The following PRMT7 variants were observed in gnomAD, a reference collection of about 807,000 sequenced individuals.
PRMT7 encodes the protein protein arginine N-methyltransferase 7.
A neutral mutation model predicts 85.4 loss-of-function variants in PRMT7; 75 were observed. That is an observed-to-expected ratio of 0.88 (90% CI 0.73 to 1.06). The LOEUF (loss-of-function observed/expected upper bound fraction) is 1.06, where lower values mean the gene tolerates loss of function less well. PRMT7 is among the 50% of genes least tolerant of loss of function. The probability of loss-of-function intolerance (pLI) is 0.00; values close to 1 mark genes in which losing one functional copy is unlikely to be tolerated. For missense variants in PRMT7, 868 were observed against 915.2 expected (o/e 0.95, Z 0.67); for synonymous variants, 397 against 359.5 (o/e 1.10, Z -1.18).
intron 5 of PRMT7, 113 bp from the exon 6 acceptor site, chr16:68,328,953 T>G: frequency 4.4e-6 from 3 of 682,814 alleles, no homozygotes; most frequent in Non-Finnish European, 5.0e-6. Context: ...GAATAAAGTA[T>G]TTAAGTTACA....
Position 68,356,781 on chromosome 16 carries a change from A to T in PRMT7, c.1892A>T (p.Glu631Val). The T allele has an allele frequency of 6.2e-7, 1 of 1,609,530 alleles. No homozygotes were observed. Among genetic ancestry groups the T allele is most frequent in the Non-Finnish European group, 8.5e-7 (1 of 1,179,260 alleles). ...TGCACGCTCAGCACTGGCCTCCTGG[A>T]GCCTGCAGACCCCGAGGTAGTGCCT... Reference protein sequence around the residue: ...PECTLSTGLLEPADPEGGCCW... With the variant: ...PECTLSTGLLVPADPEGGCCW... The change falls in exon 18 of 19, where the codon GAG (glutamate) becomes GTG (valine). Residue 631 changes from glutamate to valine, a missense_variant. By Grantham distance (121) the Glu-to-Val change is moderately radical. Transcript: ENST00000441236.
At chr16:68,329,003 A>G (rs558648111) in intron 5 of PRMT7, 63 bp from the exon 6 acceptor site, 6 of 1,161,376 alleles carry the variant, frequency 5.2e-6, no homozygotes, top group African/African-American at 4.6e-5. Context: ...TGCTCACCTT[A>G]AAGGTCAGAC....
intron 3 of PRMT7, among the ~76,000 whole-genome samples, chr16:68,317,956 C>T (rs7199750): frequency 6.6e-6 from 1 of 151,964 alleles, no homozygotes. Context: ...CGAAAGCATA[C>T]GCGGGGTCAT....
At chr16:68,339,222 C>T in intron 7 of PRMT7, 100 bp from the exon 8 acceptor site, 2 of 1,508,768 alleles carry the variant, frequency 1.3e-6, no homozygotes, top group South Asian at 2.5e-5. Context: ...CATTACTGAA[C>T]CAACCTAATG....
chr16:68,340,270 G>A (rs1597364224), intron 9 of PRMT7, among the ~76,000 whole-genome samples: 1 of 152,054 alleles, frequency 6.6e-6, no homozygotes, highest in East Asian at 1.9e-4. Flanking sequence ...GTAATCCCAG[G>A]GGGCTCCCAT....
intron 4 of PRMT7, chr16:68,321,665 C>A (rs1019940669): frequency 2.0e-6 from 1 of 497,580 alleles, no homozygotes; most frequent in Admixed American, 3.8e-5. Context: ...CAAGATAGAA[C>A]TGACAAATAA....
intron 9 of PRMT7, among the ~76,000 whole-genome samples, chr16:68,341,254 C>G (rs1392193655): frequency 6.6e-6 from 1 of 152,214 alleles, no homozygotes; most frequent in Non-Finnish European, 1.5e-5. Flanking sequence ...TCGGAATTGC[C>G]TGATGGGTTC....
chr16:68,322,238 C>T, intron 4 of PRMT7: 1 of 199,840 alleles, frequency 5.0e-6, no homozygotes, highest in Non-Finnish European at 1.1e-5. Context: ...GAGACTGGGT[C>T]TCTGTTGCCC....
At chr16:68,359,583 C>T (rs1204537090), downstream of PRMT7, 1 of 152,784 alleles carries the variant, frequency 6.5e-6, no homozygotes, top group Non-Finnish European at 1.5e-5. Flanking sequence ...CAATGGGTGA[C>T]AAGGCACAGC....
rs1360658139 is a variant in PRMT7, at chr16:68,353,480, C to T, written c.1576-12C>T. 7 of 1,610,172 alleles carry T rather than the reference C, an allele frequency of 4.3e-6. No homozygotes were observed. In the African/African-American group the frequency reaches 8.0e-5, roughly 18 times the overall value. ...GCGGGCGGGTGTGGACGGGGCTGCT[C>T]CTTCCTCACAGGACCTGTGGCGGAT... is the stretch of plus-strand genomic sequence containing the variant. On this transcript the variant is annotated splice_polypyrimidine_tract_variant and intron_variant, in intron 15 of 18. Transcript: ENST00000441236.
chr16:68,318,005 T>A (rs2082073979), intron 3 of PRMT7, among the ~76,000 whole-genome samples: 1 of 152,042 alleles, frequency 6.6e-6, no homozygotes, highest in Non-Finnish European at 1.5e-5. Flanking sequence ...AAGAGGAACA[T>A]GAGTTTAAGT....
intron 4 of PRMT7, 199 bp from the exon 5 acceptor site, chr16:68,324,484 G>A (rs1050155397): frequency 1.6e-6 from 1 of 606,282 alleles, no homozygotes; most frequent in Non-Finnish European, 2.9e-6. Context: ...GTGTGGAGCA[G>A]GGACAGTCGC....
At position 68,337,490 on chromosome 16, in the gene PRMT7, G is replaced by C. The variant is rs138764613; in HGVS notation, c.423G>C (p.Leu141=). 7.6e-5 allele frequency: 123 copies of C among 1,611,086 alleles called. No individual in the cohort carries two copies. The highest frequency in any genetic ancestry group is 6.3e-5 in the Non-Finnish European group (74 of 1,178,676). ...EGDMPCRANI[L]VTELFDTELI... is the part of the protein sequence containing the mutation. ...ACATGCCATGCCGTGCCAACATCCT[G>C]GTCACAGAGTTGTTTGACACAGAGC... The change falls in exon 7 of 19, where the codon CTG becomes CTC. Residue 141 remains leucine (L), a synonymous_variant. Transcript: ENST00000441236.
chr16:68,344,933 T>TACAC (rs368385265), intron 9 of PRMT7, among the ~76,000 whole-genome samples: 148 of 131,164 alleles, frequency 1.1e-3, no homozygotes, highest in Middle Eastern at 3.7e-3. Context: ...CCTGCATCTC[T>TACAC]ACACACACAC....
At position 68,357,683 on chromosome 16, in the gene PRMT7, TGCTGAG is replaced by T; in HGVS notation, c.*460_*465del. The T allele has an allele frequency of 6.2e-6, 1 of 160,568 alleles. No homozygotes were observed. The highest frequency in any genetic ancestry group is 1.4e-5 in the Non-Finnish European group (1 of 73,356). The allele number at this position is 160,568 out of a possible 1,614,324, so 9.9% of individuals were successfully genotyped here. A position where few individuals can be genotyped will look rare whatever the true frequency, so the allele number is the denominator to read the frequency against. ...CTGGCTTCTGCTAGGAGGGTGGAGATGCTGAGTTGTGGCTGGGTCTCTGGGGCTTGA... is the reference window on the plus strand; with the variant it reads ...CTGGCTTCTGCTAGGAGGGTGGAGATTTGTGGCTGGGTCTCTGGGGCTTGA... On this transcript the variant is annotated 3_prime_UTR_variant, in exon 19 of 19. Transcript: ENST00000441236.
chr16:68,327,627 G>A (rs1010693912), intron 5 of PRMT7, among the ~76,000 whole-genome samples: 10 of 152,156 alleles, frequency 6.6e-5, no homozygotes, highest in Non-Finnish European at 1.5e-4. Flanking sequence ...CGTGATTTCA[G>A]TTACCTGTGG....
intron 2 of PRMT7, among the ~76,000 whole-genome samples, chr16:68,312,727 A>G (rs2044082291): frequency 6.6e-6 from 1 of 152,204 alleles, no homozygotes; most frequent in African/African-American, 2.4e-5. Context: ...GGAGAGAACA[A>G]ATAATAATGG....
intron 1 of PRMT7, chr16:68,311,693 G>T (rs578209634): frequency 6.6e-6 from 1 of 152,308 alleles, no homozygotes; most frequent in Admixed American, 6.5e-5. Context: ...GGCACATTTT[G>T]CTTATGCAAC....
intron 6 of PRMT7, among the ~76,000 whole-genome samples, chr16:68,333,933 G>C (rs979387151): frequency 2.6e-5 from 4 of 152,008 alleles, no homozygotes; most frequent in African/African-American, 9.7e-5. Flanking sequence ...CCACCACCTG[G>C]CTAATTTTTG....
Sources: gnomAD v4.1 joint callset for allele counts (sites outside exome capture counted in the v4.1 genomes callset) on GRCh38, gnomAD v4.1.1 for gene constraint, MANE v1.5 for transcripts, NCBI Gene and HGNC (gene_info 2026-07-23, HGNC 2026-07-21) for gene names.